Variants in CACNA1B observed in about 807,000 individuals in gnomAD.
The protein encoded by CACNA1B is voltage-dependent N-type calcium channel subunit alpha-1B.
CACNA1B carries 70 observed loss-of-function variants against 247.2 expected under a neutral mutation model. The ratio of observed to expected loss-of-function variants is 0.28; its 90% CI spans 0.23 to 0.35. The LOEUF (loss-of-function observed/expected upper bound fraction) is 0.35. Among genes scored for constraint, CACNA1B ranks in the 10% least tolerant of loss-of-function variants. The probability of loss-of-function intolerance (pLI) is 1.00; values close to 1 mark genes in which losing one functional copy is unlikely to be tolerated. For missense variants in CACNA1B, 2,367 were observed against 3,197.4 expected (o/e 0.74, Z 6.26); for synonymous variants, 1,231 against 1,294.4 (o/e 0.95, Z 1.05).
intron 10 of CACNA1B, among the ~76,000 whole-genome samples, chr9:137,970,951 C>G (rs766953076): frequency 6.6e-6 from 1 of 152,116 alleles, no homozygotes; most frequent in South Asian, 2.1e-4. Flanking sequence ...CCCCTGAGTC[C>G]GGAGGGCGAG....
intron 6 of CACNA1B, among the ~76,000 whole-genome samples, chr9:137,939,836 A>AAAT (rs1231312322): frequency 7.2e-6 from 1 of 139,550 alleles, no homozygotes; most frequent in Non-Finnish European, 1.5e-5. Context: ...ATAAATAAAT[A>AAAT]AATAAATAAA....
intron 6 of CACNA1B, among the ~76,000 whole-genome samples, chr9:137,939,881 G>A (rs1395921096): frequency 6.6e-6 from 1 of 151,670 alleles, no homozygotes; most frequent in Non-Finnish European, 1.5e-5. Flanking sequence ...CTGAATGACA[G>A]TAGTGACGCA....
chr9:137,991,808 AT>A (rs1006008371), intron 15 of CACNA1B, among the ~76,000 whole-genome samples: 6 of 152,358 alleles, frequency 3.9e-5, no homozygotes, highest in Middle Eastern at 3.4e-3. Context: ...CAAAACAATT[AT>A]CAGCCAAGAA....
Position 138,059,043 on chromosome 9 carries a change from C to T in CACNA1B, c.4474-36C>T. On this transcript the variant is annotated intron_variant, in intron 29 of 46. Coordinates refer to ENST00000371372, the MANE Select transcript of CACNA1B (RefSeq NM_000718.4). This position sits in a 1 kb window ranked among gnomAD's most constrained non-coding sequence, Gnocchi z 4.2. The stretch of plus-strand genomic sequence containing the variant: ...CCCAGATGGGGTGTCTTGGGGCTGC[C>T]AAACCCATGGCCAACAGTGCCTATT... 1 of 1,366,024 alleles carries T rather than the reference C, an allele frequency of 7.3e-7. No homozygotes were observed. Among genetic ancestry groups the T allele is most frequent in the Non-Finnish European group, 1.0e-6 (1 of 959,734 alleles). The allele number at this position is 1,366,024 out of a possible 1,614,324, so 84.6% of individuals were successfully genotyped here. A position where few individuals can be genotyped will look rare whatever the true frequency, so the allele number is the denominator to read the frequency against.
chr9:138,002,937 A>AT (rs1478365180), intron 15 of CACNA1B, among the ~76,000 whole-genome samples: 3 of 151,534 alleles, frequency 2.0e-5, no homozygotes, highest in Non-Finnish European at 4.4e-5. Context: ...AATAGCTGGG[A>AT]TTACAGGCAC....
At position 138,107,268 on chromosome 9, in the gene CACNA1B, A is replaced by ATTTATTTATG. The variant is rs779357673; in HGVS notation, c.5428+1462_5428+1463insTTATTTATGT. ...TTTATTTATTTATTTATTTATTTAT[A>ATTTATTTATG]TAGGGTCTCACTGTGTCACCCAGGC... On this transcript the variant is annotated intron_variant, in intron 39 of 46. Transcript: ENST00000371372. Among the ~76,000 whole-genome samples, 3 of 18,410 alleles carry ATTTATTTATG rather than the reference A, an allele frequency of 1.6e-4. No homozygotes were observed. The East Asian group carries it at 5.0e-3, about 31-fold the overall frequency. The allele number at this position is 18,410 out of a possible 152,430, so 12.1% of individuals were successfully genotyped here. A position where few individuals can be genotyped will look rare whatever the true frequency, so the allele number is the denominator to read the frequency against.
In CACNA1B at chr9:138,007,394, G is replaced by A. The variant is rs1427739944; in HGVS notation, c.2092+510G>A. 7.5e-6 allele frequency among the ~76,000 whole-genome samples: 1 copy of A among 132,824 alleles called. No homozygotes were observed. The highest frequency in any genetic ancestry group is 3.6e-5 in the African/African-American group (1 of 27,736). The allele number at this position is 132,824 out of a possible 152,430, so 87.1% of individuals were successfully genotyped here. A position where few individuals can be genotyped will look rare whatever the true frequency, so the allele number is the denominator to read the frequency against. On this transcript the variant is annotated intron_variant, in intron 16 of 46. Transcript: ENST00000371372. The surrounding 1 kb of genome is among the most constrained non-coding windows in gnomAD (Gnocchi z 4.1). ...GGGGTCAGAGCGAGCCCAGCCGCCG[G>A]TGGTGAGCTCTGCCCTAGCAAGGGA...
intron 15 of CACNA1B, among the ~76,000 whole-genome samples, chr9:137,987,993 C>T (rs1958386824): frequency 6.6e-6 from 1 of 152,246 alleles, no homozygotes; most frequent in South Asian, 2.1e-4. Context: ...TGCCTCTTCT[C>T]CTCTCCTCTT....
chr9:137,971,326 TG>T lies in CACNA1B; in HGVS notation c.1334-53del. The T allele has an allele frequency of 7.7e-7, 1 of 1,292,044 alleles. No homozygotes were observed. Among genetic ancestry groups the T allele is most frequent in the South Asian group, 1.3e-5 (1 of 78,502 alleles). 80.0% of individuals were successfully genotyped at this position (1,292,044 alleles called of 1,614,324 possible). A position where few individuals can be genotyped will look rare whatever the true frequency, so the allele number is the denominator to read the frequency against. On this transcript the variant is annotated intron_variant, in intron 10 of 46. Transcript: ENST00000371372. The surrounding 1 kb of genome is among the most constrained non-coding windows in gnomAD (Gnocchi z 4.4). Reference sequence around the variant, plus strand: ...GAGTGCGTCTGTGGGGGTCCACAGGTGGGGTAGGCGGGTGCCCATTGGTCCC... The same window carrying T: ...GAGTGCGTCTGTGGGGGTCCACAGGTGGGTAGGCGGGTGCCCATTGGTCCC...
chr9:137,993,254 T>G (rs544221168), intron 15 of CACNA1B, among the ~76,000 whole-genome samples: 5 of 152,158 alleles, frequency 3.3e-5, no homozygotes, highest in Admixed American at 2.6e-4. Flanking sequence ...AGCTGGTTCT[T>G]TTTAGATAAA....
chr9:137,971,251 A>G lies in CACNA1B; in HGVS notation c.1334-132A>G, dbSNP rs536074492. The stretch of plus-strand genomic sequence containing the variant: ...CTGTGAAGTGGAGGTCACAGGGGTC[A>G]CTGGCACAATTGTCTGTGACCGGCT... On this transcript the variant is annotated intron_variant, in intron 10 of 46. Transcript: ENST00000371372. This position sits in a 1 kb window ranked among gnomAD's most constrained non-coding sequence, Gnocchi z 4.4. 7.0e-5 allele frequency: 46 copies of G among 660,548 alleles called. 1 individual carries two copies. In the South Asian group the frequency reaches 7.9e-4, roughly 11 times the overall value. The allele number at this position is 660,548 out of a possible 1,614,324, so 40.9% of individuals were successfully genotyped here.
chr9:138,075,736 C>G, intron 34 of CACNA1B, 83 bp from the exon 35 acceptor site: 1 of 859,552 alleles, frequency 1.2e-6, no homozygotes, highest in Non-Finnish European at 1.9e-6. Context: ...TTGTACGGCT[C>G]GCACGCCCTC....
intron 36 of CACNA1B, among the ~76,000 whole-genome samples, chr9:138,088,260 T>C (rs1960766430): frequency 6.6e-6 from 1 of 151,774 alleles, no homozygotes; most frequent in Admixed American, 6.6e-5. Flanking sequence ...GCCCATCTAC[T>C]TGGGAGGCTG....
intron 36 of CACNA1B, among the ~76,000 whole-genome samples, chr9:138,080,417 C>T (rs1045495455): frequency 2.0e-5 from 3 of 152,048 alleles, no homozygotes; most frequent in African/African-American, 7.2e-5. Flanking sequence ...GTGATGCCAT[C>T]GGTAAACATC....
At chr9:138,001,516 G>T (rs1564231220) in intron 15 of CACNA1B, among the ~76,000 whole-genome samples, 1 of 151,982 alleles carries the variant, frequency 6.6e-6, no homozygotes, top group African/African-American at 2.4e-5. Flanking sequence ...AATAGTAAAA[G>T]ATTAGAAGTA....
Position 137,899,229 on chromosome 9 carries a change from G to A in CACNA1B, c.531-13951G>A, listed in dbSNP as rs1240604562. 6.6e-6 allele frequency among the ~76,000 whole-genome samples: 1 copy of A among 151,824 alleles called. No individual in the cohort carries two copies. Among genetic ancestry groups the A allele is most frequent in the Non-Finnish European group, 1.5e-5 (1 of 67,960 alleles). ...TAGCTTCTTGGGTAGCGGGATTACA[G>A]GCGCGCTCCACCATGCCAGGCTAAT... is the stretch of plus-strand genomic sequence containing the variant. On this transcript the variant is annotated intron_variant, in intron 3 of 46. Transcript: ENST00000371372. The surrounding 1 kb of genome is among the most constrained non-coding windows in gnomAD (Gnocchi z 5.0).
chr9:138,007,047 G>A lies in CACNA1B; in HGVS notation c.2092+163G>A, dbSNP rs537432141. Among the ~76,000 whole-genome samples the A allele has an allele frequency of 5.3e-5, 8 of 151,930 alleles. No individual in the cohort carries two copies. The East Asian group carries it at 5.8e-4, about 11-fold the overall frequency. On this transcript the variant is annotated intron_variant, in intron 16 of 46. Coordinates refer to ENST00000371372, the MANE Select transcript of CACNA1B (RefSeq NM_000718.4). The surrounding 1 kb of genome is among the most constrained non-coding windows in gnomAD (Gnocchi z 4.1). ...AGAACATTCTGCAGGTGGCCGGAGC[G>A]CAGGGCTCTGGAGGCTTTGGGACTC...
At chr9:138,043,749 A>G in intron 20 of CACNA1B, 25 bp from the exon 21 acceptor site, 1 of 1,613,528 alleles carries the variant, frequency 6.2e-7, no homozygotes, top group Middle Eastern at 1.7e-4. Context: ...TACACCCCTT[A>G]CTCGGGGGCC....
chr9:138,043,694 C>A, intron 20 of CACNA1B, 80 bp from the exon 21 acceptor site: 2 of 1,538,368 alleles, frequency 1.3e-6, no homozygotes, highest in Non-Finnish European at 1.8e-6. Flanking sequence ...GTGCCGGGGG[C>A]ATGGGAGCTG....
Sources: allele counts gnomAD v4.1 joint callset (sites outside exome capture counted in the v4.1 genomes callset), GRCh38; gene constraint gnomAD v4.1.1; non-coding constraint Gnocchi (gnomAD v3.1); transcripts MANE v1.5; gene names NCBI Gene and HGNC (gene_info 2026-07-23, HGNC 2026-07-21).